Variants in DENND6A observed in about 807,000 individuals in gnomAD.
DENND6A encodes DENN domain containing 6A, also known as protein DENND6A.
A neutral mutation model predicts 95.5 loss-of-function variants in DENND6A; 43 were observed. That is an observed-to-expected ratio of 0.45 (90% CI 0.35 to 0.58). The LOEUF (loss-of-function observed/expected upper bound fraction) is 0.58, where lower values mean the gene tolerates loss of function less well. DENND6A is among the 20% of genes least tolerant of loss of function. DENND6A has a pLI of 0.00. For synonymous variants in DENND6A, 257 were observed against 260.4 expected (o/e 0.99, Z 0.13); for missense variants, 574 against 736.0 (o/e 0.78, Z 2.55).
At chr3:57,662,988 G>A (rs1014349480) in intron 5 of DENND6A, among the ~76,000 whole-genome samples, 1 of 150,186 alleles carries the variant, frequency 6.7e-6, no homozygotes, top group Non-Finnish European at 1.5e-5. Flanking sequence ...GCATGGTAGT[G>A]CACACCTGTA....
rs757189097 is a variant in DENND6A at position 57,628,254 on chromosome 3, T to A, written c.1787A>T (p.Glu596Val). Residue 596 changes from glutamate (E) to valine (V), a missense_variant, in exon 20 of 20, where the codon GAG becomes GTG. Around this residue, in one of 2 missense-constraint regions of DENND6A, gnomAD observed 452 missense variants for 630.9 expected, o/e 0.72. Coordinates refer to ENST00000311128, the MANE Select transcript of DENND6A (RefSeq NM_152678.3). ...TTTGAGCAGTATGCCTTGCAAGTCC[T>A]CTGGCAATGCTAAGATAATGGCATC... ...HIDAIILALP[E>V]DLQGILLKTG... The A allele has an allele frequency of 4.3e-6, 7 of 1,613,976 alleles. No homozygotes were observed. In the South Asian group the frequency reaches 6.6e-5, roughly 15 times the overall value.
At position 57,692,897 on chromosome 3, in the gene DENND6A, T is replaced by A. The variant is rs2077284208; in HGVS notation, c.122A>T (p.Asp41Val). 4 of 1,570,956 alleles carry A rather than the reference T, an allele frequency of 2.5e-6. No homozygotes were observed. In the African/African-American group the frequency reaches 5.6e-5, roughly 22 times the overall value. ...ALVAAGGAPE[D>V]DEEDDGRGRG... ...GCCACGGCCATCGTCCTCTTCATCG[T>A]CCTCTGGCGCGCCTCCCGCCGCCAC... The change falls in exon 1 of 20, where the codon GAC becomes GTC. Residue 41 changes from aspartate to valine, a missense_variant. This residue lies in a region of DENND6A where 122 missense variants were observed against 105.1 expected (regional missense o/e 1.16). Transcript: ENST00000311128.
Position 57,668,984 on chromosome 3 carries a change from T to C in DENND6A, c.320-2749A>G, listed in dbSNP as rs544684989. 2.0e-3 allele frequency among the ~76,000 whole-genome samples: 302 copies of C among 152,276 alleles called. 2 individuals are homozygous for C. The highest frequency in any genetic ancestry group is 3.2e-3 in the Non-Finnish European group (218 of 67,994). On this transcript the variant is annotated intron_variant, in intron 3 of 19. Coordinates refer to ENST00000311128, the MANE Select transcript of DENND6A (RefSeq NM_152678.3). ...GCATCCCTGATTCAAGAGATTCTCC[T>C]GCCTCAGCCTCCTGAGTAGCTGGGA...
intron 12 of DENND6A, among the ~76,000 whole-genome samples, chr3:57,639,818 C>G (rs138537477): frequency 6.6e-6 from 1 of 152,028 alleles, no homozygotes; most frequent in Non-Finnish European, 1.5e-5. Flanking sequence ...TCAGTAAGAC[C>G]GAGTCCAGAA....
At position 57,657,680 on chromosome 3, in the gene DENND6A, C is replaced by A; in HGVS notation, c.818G>T (p.Arg273Met). The part of the protein sequence containing the change: ...LPTVHEVDIF[R>M]CFCPVFLHSQ... ...GTTAATAAAATTTTTTATTCTTTAC[C>A]TGAAAATATCCACCTCATGAACAGT... is the stretch of plus-strand genomic sequence containing the variant. The change falls in exon 9 of 20, where the codon AGG becomes ATG. Residue 273 changes from arginine to methionine, a missense_variant and splice_region_variant. Coordinates refer to ENST00000311128, the MANE Select transcript of DENND6A (RefSeq NM_152678.3). The A allele has an allele frequency of 1.9e-6, 3 of 1,558,558 alleles. No homozygotes were observed. Among genetic ancestry groups the A allele is most frequent in the Non-Finnish European group, 1.8e-6 (2 of 1,140,842 alleles).
At chr3:57,631,087 G>C in intron 15 of DENND6A, 109 bp from the exon 16 acceptor site, 1 of 890,304 alleles carries the variant, frequency 1.1e-6, no homozygotes. Flanking sequence ...CCTTTCAATG[G>C]ACAGCAACAA....
intron 3 of DENND6A, among the ~76,000 whole-genome samples, chr3:57,666,610 T>C (rs2071527414): frequency 6.6e-6 from 1 of 151,806 alleles, no homozygotes; most frequent in Non-Finnish European, 1.5e-5. Flanking sequence ...TTATAAAATG[T>C]TTTGAAAGCA....
intron 19 of DENND6A, 127 bp from the exon 20 acceptor site, chr3:57,628,472 A>G (rs2070583521): frequency 7.6e-7 from 1 of 1,321,934 alleles, no homozygotes; most frequent in African/African-American, 1.5e-5. Flanking sequence ...CAGAAATTAC[A>G]GAAACTAAAA....
chr3:57,634,836 A>G, intron 12 of DENND6A, 67 bp from the exon 13 acceptor site: 2 of 1,262,172 alleles, frequency 1.6e-6, no homozygotes, highest in Non-Finnish European at 1.1e-6. Context: ...TTGGAACTTT[A>G]TAAGATTTAT....
Position 57,628,131 on chromosome 3 carries a change from G to C in DENND6A, c.*83C>G. ...CAATTTTCCACTCCGCTGCCACTGA[G>C]AGATCTCCTTTGTGCGTCTGGTTGA... On this transcript the variant is annotated 3_prime_UTR_variant, in exon 20 of 20. Transcript: ENST00000311128. 3.3e-6 allele frequency: 5 copies of C among 1,536,356 alleles called. No individual in the cohort carries two copies. Among genetic ancestry groups the C allele is most frequent in the Non-Finnish European group, 4.4e-6 (5 of 1,140,736 alleles).
At position 57,625,575 on chromosome 3, in the gene DENND6A, T is replaced by A. The variant is rs1027786893; in HGVS notation, c.*2639A>T. On this transcript the variant is annotated 3_prime_UTR_variant, in exon 20 of 20. Transcript: ENST00000311128. The stretch of plus-strand genomic sequence containing the variant: ...TTACATAATACCCTTAAAGCAGTGA[T>A]TCCTCCTGATGCTGGTAGAGATAAA... 3.9e-5 allele frequency: 6 copies of A among 152,580 alleles called. No homozygotes were observed. The highest frequency in any genetic ancestry group is 5.9e-5 in the Non-Finnish European group (4 of 68,032). 9.5% of individuals were successfully genotyped at this position (152,580 alleles called of 1,614,324 possible).
intron 9 of DENND6A, among the ~76,000 whole-genome samples, chr3:57,647,733 C>T (rs559967201): frequency 6.6e-6 from 1 of 151,680 alleles, no homozygotes; most frequent in Non-Finnish European, 1.5e-5. Context: ...AAGGAGAGCA[C>T]TCATGTGAGG....
At chr3:57,666,294 T>G in intron 3 of DENND6A, 59 bp from the exon 4 acceptor site, 1 of 1,357,476 alleles carries the variant, frequency 7.4e-7, no homozygotes, top group Non-Finnish European at 1.0e-6. Flanking sequence ...TTATCCAGTT[T>G]CATCAATTTT....
At chr3:57,656,171 C>T (rs1217105924) in intron 9 of DENND6A, among the ~76,000 whole-genome samples, 1 of 152,112 alleles carries the variant, frequency 6.6e-6, no homozygotes, top group Non-Finnish European at 1.5e-5. Context: ...TGCCCGCAGC[C>T]CTTATGTAGT....
intron 10 of DENND6A, 25 bp downstream of exon 10, chr3:57,646,291 A>G: frequency 6.3e-7 from 1 of 1,586,372 alleles, no homozygotes; most frequent in Non-Finnish European, 8.5e-7. Flanking sequence ...AAAAAAACCC[A>G]GAAATAGTAA....
chr3:57,635,670 G>C (rs759901332), intron 12 of DENND6A, among the ~76,000 whole-genome samples: 6 of 152,144 alleles, frequency 3.9e-5, no homozygotes, highest in Non-Finnish European at 7.4e-5. Context: ...CTGGGGGTGA[G>C]ATTTTAAGAA....
At chr3:57,636,632 A>G (rs942091728) in intron 12 of DENND6A, among the ~76,000 whole-genome samples, 2 of 152,302 alleles carry the variant, frequency 1.3e-5, no homozygotes, top group East Asian at 3.9e-4. Context: ...AGTTAAGCCA[A>G]CTTGTAAGAG....
At chr3:57,634,648 C>CA in intron 13 of DENND6A, 26 bp from the exon 14 acceptor site, 2 of 1,482,974 alleles carry the variant, frequency 1.3e-6, no homozygotes, top group African/African-American at 1.4e-5. Context: ...AGAAGGTAAA[C>CA]AAAAAAACCC....
At chr3:57,649,868 T>G (rs1264251215) in intron 9 of DENND6A, among the ~76,000 whole-genome samples, 1 of 142,982 alleles carries the variant, frequency 7.0e-6, no homozygotes, top group Non-Finnish European at 1.5e-5. Flanking sequence ...CTAGACCACG[T>G]CTCCAAGTGG....
Sources: allele counts gnomAD v4.1 joint callset (sites outside exome capture counted in the v4.1 genomes callset), GRCh38; gene constraint gnomAD v4.1.1; regional missense constraint gnomAD v4.1.1; transcripts MANE v1.5; gene names NCBI Gene and HGNC (gene_info 2026-07-23, HGNC 2026-07-21).